CWF19L2: variants seen among roughly 807,000 people sequenced by gnomAD.
CWF19L2 encodes the protein CWF19 like cell cycle control factor 2, also known as CWF19-like protein 2.
CWF19L2 carries 98 observed loss-of-function variants against 111.7 expected under a neutral mutation model. The observed-to-expected ratio is 0.88, with a 90% CI of 0.75 to 1.04. The LOEUF (loss-of-function observed/expected upper bound fraction) is 1.04, where lower values mean the gene tolerates loss of function less well. CWF19L2 is among the 50% of genes least tolerant of loss of function. CWF19L2 has a pLI of 0.00. For synonymous variants in CWF19L2, 351 were observed against 342.9 expected (o/e 1.02, Z -0.26); for missense variants, 1,101 against 1,051.4 (o/e 1.05, Z -0.65).
At chr11:107,334,191 T>C (rs1859888994) in intron 16 of CWF19L2, among the ~76,000 whole-genome samples, 1 of 152,154 alleles carries the variant, frequency 6.6e-6, no homozygotes, top group Non-Finnish European at 1.5e-5. Flanking sequence ...CAATAAATAT[T>C]TGTAGAATAA....
Position 107,353,780 on chromosome 11 carries a change from T to C in CWF19L2, c.1873-44A>G, listed in dbSNP as rs12419244. On this transcript the variant is annotated intron_variant, in intron 12 of 17. Coordinates refer to ENST00000282251, the MANE Select transcript of CWF19L2 (RefSeq NM_152434.3). ...AGTAATAGAGAGTAGAAGGTAGTGA[T>C]TAAGATTTTACTGCACTGTGGTATC... 248 of 1,506,486 alleles carry C rather than the reference T, an allele frequency of 1.6e-4. No individual in the cohort carries two copies. In the Admixed American group the frequency reaches 4.1e-3, roughly 25 times the overall value. The allele number at this position is 1,506,486 out of a possible 1,614,324, so 93.3% of individuals were successfully genotyped here.
intron 10 of CWF19L2, among the ~76,000 whole-genome samples, chr11:107,412,497 T>C (rs902661132): frequency 1.3e-5 from 2 of 152,120 alleles, no homozygotes; most frequent in African/African-American, 2.4e-5. Context: ...CCCACCACCA[T>C]GCCCAGCTAA....
intron 10 of CWF19L2, among the ~76,000 whole-genome samples, chr11:107,414,618 T>G (rs12274369): frequency 0.021 from 3,263 of 152,136 alleles, 115 homozygotes; most frequent in African/African-American, 0.074. Context: ...ATCCAAACTC[T>G]CAATATATCC....
intron 12 of CWF19L2, among the ~76,000 whole-genome samples, chr11:107,383,638 T>C (rs910605076): frequency 2.0e-5 from 3 of 152,192 alleles, no homozygotes; most frequent in African/African-American, 4.8e-5. Flanking sequence ...CTTGGTTTTG[T>C]TATAAGAAAG....
intron 10 of CWF19L2, among the ~76,000 whole-genome samples, chr11:107,407,475 C>T (rs1481933428): frequency 6.6e-6 from 1 of 151,816 alleles, no homozygotes. Flanking sequence ...TCAAATGCTA[C>T]TGAACAGTAT....
chr11:107,373,196 G>A (rs113584870), intron 12 of CWF19L2, among the ~76,000 whole-genome samples: 13,277 of 128,556 alleles, frequency 0.1, 2,578 homozygotes, highest in Middle Eastern at 0.16. Context: ...GCTAGGGGAG[G>A]GGCGCCTGCC....
At chr11:107,348,805 T>C (rs1565247409) in intron 14 of CWF19L2, 132 bp downstream of exon 14, 1 of 509,662 alleles carries the variant, frequency 2.0e-6, no homozygotes, top group East Asian at 3.1e-5. Context: ...TATATACAAC[T>C]ATGAAAACAC....
At chr11:107,425,998 T>C (rs145541504) in intron 8 of CWF19L2, among the ~76,000 whole-genome samples, 56 of 152,024 alleles carry the variant, frequency 3.7e-4, no homozygotes, top group African/African-American at 1.3e-3. Context: ...AGGTTCTCAA[T>C]TGCATGGCAG....
chr11:107,447,070 A>T (rs1861711344), intron 3 of CWF19L2, among the ~76,000 whole-genome samples: 1 of 152,204 alleles, frequency 6.6e-6, no homozygotes, highest in Admixed American at 6.5e-5. Context: ...AACTCAAGGG[A>T]TCTTGAGGAC....
intron 1 of CWF19L2, among the ~76,000 whole-genome samples, chr11:107,456,282 A>C (rs908435376): frequency 1.3e-5 from 2 of 152,202 alleles, no homozygotes; most frequent in South Asian, 4.1e-4. Context: ...AAACAAAGCA[A>C]GTTTTTCCTA....
At chr11:107,435,439 T>C (rs1403670190) in intron 6 of CWF19L2, among the ~76,000 whole-genome samples, 2 of 151,998 alleles carry the variant, frequency 1.3e-5, no homozygotes, top group Admixed American at 6.6e-5. Context: ...GTGAAACTGA[T>C]AAAATGCTGA....
chr11:107,392,739 G>C (rs1338684333), intron 11 of CWF19L2, 40 bp downstream of exon 11: 1 of 1,224,176 alleles, frequency 8.2e-7, no homozygotes, highest in South Asian at 1.3e-5. Flanking sequence ...GGGGAAGAAG[G>C]AATTCTGAAT....
At chr11:107,351,769 T>C (rs550721092) in intron 13 of CWF19L2, among the ~76,000 whole-genome samples, 248 of 152,204 alleles carry the variant, frequency 1.6e-3, no homozygotes, top group Middle Eastern at 6.8e-3. Flanking sequence ...CAGAATATGG[T>C]AGAAATGATG....
intron 4 of CWF19L2, among the ~76,000 whole-genome samples, chr11:107,442,262 G>T (rs192233713): frequency 2.0e-3 from 307 of 152,268 alleles, no homozygotes; most frequent in Middle Eastern, 0.014. Flanking sequence ...TCAGCAAACA[G>T]CAGTACTGCC....
At chr11:107,340,816 C>T (rs1859995381) in intron 14 of CWF19L2, among the ~76,000 whole-genome samples, 2 of 152,162 alleles carry the variant, frequency 1.3e-5, no homozygotes, top group Admixed American at 6.5e-5. Flanking sequence ...AATCCATAAA[C>T]ATGATATATC....
intron 10 of CWF19L2, among the ~76,000 whole-genome samples, chr11:107,407,849 T>A (rs1016334092): frequency 7.2e-5 from 11 of 152,054 alleles, no homozygotes; most frequent in Non-Finnish European, 1.0e-4. Context: ...ATAAAAAAAA[T>A]TTTTTAACTA....
In CWF19L2 at chr11:107,444,096, CTT is replaced by C. The variant is rs35888473; in HGVS notation, c.340-1049_340-1048del. On this transcript the variant is annotated intron_variant, in intron 3 of 17. Transcript: ENST00000282251. The stretch of plus-strand genomic sequence containing the variant: ...GAAACAATTTCAAGCATTTCCCACC[CTT>C]TTTTTTTTTTTTTTAAGGAGGGAAG... Among the ~76,000 whole-genome samples the C allele has an allele frequency of 8.4e-4, 119 of 142,078 alleles. 1 individual carries two copies. The Middle Eastern group carries it at 0.014, about 17-fold the overall frequency. The allele number at this position is 142,078 out of a possible 152,430, so 93.2% of individuals were successfully genotyped here. A position where few individuals can be genotyped will look rare whatever the true frequency, so the allele number is the denominator to read the frequency against.
intron 3 of CWF19L2, among the ~76,000 whole-genome samples, chr11:107,453,412 C>G (rs1337360543): frequency 6.6e-6 from 1 of 152,078 alleles, no homozygotes; most frequent in African/African-American, 2.4e-5. Context: ...GAGACCCTGT[C>G]CTTCTGCTTG....
At position 107,428,820 on chromosome 11, in the gene CWF19L2, T is replaced by C. The variant is rs776600110; in HGVS notation, c.1412A>G (p.Asp471Gly). The C allele has an allele frequency of 3.1e-6, 5 of 1,608,902 alleles. No individual in the cohort carries two copies. The Admixed American group carries it at 8.5e-5, about 27-fold the overall frequency. Residue 471 changes from aspartate to glycine, a missense_variant, in exon 8 of 18, where the codon GAT becomes GGT. Transcript: ENST00000282251. ...DDPPKKEHLR[D>G]TKSTFAGSPE... is the part of the protein sequence containing the mutation. ...ATACCCAGCAAATGTAGACTTTGTA[T>C]CCCGTAGATGTTCTTTTTTTGGAGG...
Sources: gnomAD v4.1 joint callset for allele counts (sites outside exome capture counted in the v4.1 genomes callset) on GRCh38, gnomAD v4.1.1 for gene constraint, MANE v1.5 for transcripts, NCBI Gene and HGNC (gene_info 2026-07-23, HGNC 2026-07-21) for gene names.